The following DCK variants were observed in gnomAD, a reference collection of about 807,000 sequenced individuals.
DCK encodes deoxyadenosine kinase.
DCK carries 23 observed loss-of-function variants against 38.3 expected under a neutral mutation model. The observed-to-expected ratio is 0.60, with a 90% CI of 0.43 to 0.85. The LOEUF is 0.85. DCK is among the 40% of genes least tolerant of loss of function. The probability of loss-of-function intolerance (pLI) is 0.00; values close to 1 mark genes in which losing one functional copy is unlikely to be tolerated. For missense variants in DCK, 259 were observed against 304.4 expected (o/e 0.85, Z 1.11); for synonymous variants, 108 against 100.6 (o/e 1.07, Z -0.44).
chr4:71,009,021 G>A (rs1213739776), intron 2 of DCK, among the ~76,000 whole-genome samples: 3 of 152,182 alleles, frequency 2.0e-5, no homozygotes, highest in Non-Finnish European at 4.4e-5. Context: ...AGATATACAG[G>A]AAGCTTGAAG....
At chr4:71,014,869 G>C (rs946470348) in intron 2 of DCK, among the ~76,000 whole-genome samples, 2 of 152,170 alleles carry the variant, frequency 1.3e-5, no homozygotes, top group African/African-American at 4.8e-5. Flanking sequence ...AACTAGAGAA[G>C]CAAGAGTAAA....
At chr4:70,999,406 T>C (rs1739732704) in intron 2 of DCK, among the ~76,000 whole-genome samples, 1 of 152,262 alleles carries the variant, frequency 6.6e-6, no homozygotes, top group African/African-American at 2.4e-5. Flanking sequence ...CACATTTTGT[T>C]TATCCAGTCT....
intron 2 of DCK, among the ~76,000 whole-genome samples, chr4:71,009,762 G>A (rs1740038664): frequency 1.3e-5 from 2 of 152,132 alleles, no homozygotes; most frequent in African/African-American, 4.8e-5. Flanking sequence ...CTGTACTTCT[G>A]TACAGAGGGG....
chr4:71,001,770 G>A lies in DCK; in HGVS notation c.207+3588G>A, dbSNP rs570025669. Reference sequence around the variant, plus strand: ...CTTCCAGATTTTCTAGTTTATTTGCGTGGAGGTGTTTATAGTGTTCTCTGA... The same window carrying A: ...CTTCCAGATTTTCTAGTTTATTTGCATGGAGGTGTTTATAGTGTTCTCTGA... On this transcript the variant is annotated intron_variant, in intron 2 of 6. Transcript: ENST00000286648. Among the ~76,000 whole-genome samples, 16 of 152,184 alleles carry A rather than the reference G, an allele frequency of 1.1e-4. No individual in the cohort carries two copies. In the South Asian group the frequency reaches 2.7e-3, roughly 26 times the overall value.
At chr4:71,007,806 C>G (rs1399228094) in intron 2 of DCK, among the ~76,000 whole-genome samples, 1 of 152,200 alleles carries the variant, frequency 6.6e-6, no homozygotes, top group African/African-American at 2.4e-5. Context: ...GCCTCAACCT[C>G]CCTTGGCTCA....
At chr4:70,998,730 C>G (rs1165062263) in intron 2 of DCK, among the ~76,000 whole-genome samples, 1 of 151,972 alleles carries the variant, frequency 6.6e-6, no homozygotes, top group African/African-American at 2.4e-5. Flanking sequence ...TCAAGACCAG[C>G]CTCGTTAACA....
chr4:71,027,159 A>G (rs1465897952), intron 6 of DCK, among the ~76,000 whole-genome samples: 1 of 152,034 alleles, frequency 6.6e-6, no homozygotes, highest in Non-Finnish European at 1.5e-5. Context: ...TACTTTAATA[A>G]TAAACTGCTT....
intron 2 of DCK, among the ~76,000 whole-genome samples, chr4:71,007,398 C>T (rs1043406954): frequency 4.6e-5 from 7 of 152,128 alleles, no homozygotes; most frequent in Non-Finnish European, 1.0e-4. Context: ...TCAAGAAATA[C>T]GACATCATCA....
In DCK at chr4:70,993,771, C is replaced by G; in HGVS notation, c.-65C>G. On this transcript the variant is annotated 5_prime_UTR_variant, in exon 1 of 7. Coordinates refer to ENST00000286648, the MANE Select transcript of DCK (RefSeq NM_000788.3). ...TAGCGGCGCCGCGAGCTCCAGTGCG[C>G]GCACCCGTGGCCGCCTCCCAGCCCT... is the stretch of plus-strand genomic sequence containing the variant. 8.6e-7 allele frequency: 1 copy of G among 1,166,880 alleles called. No individual in the cohort carries two copies. Among genetic ancestry groups the G allele is most frequent in the South Asian group, 1.3e-5 (1 of 75,884 alleles). The allele number at this position is 1,166,880 out of a possible 1,614,324, so 72.3% of individuals were successfully genotyped here.
chr4:70,996,957 T>C (rs3775289), intron 1 of DCK, among the ~76,000 whole-genome samples: 123,080 of 152,182 alleles, frequency 0.81, 54,348 homozygotes, highest in Non-Finnish European at 0.97. Flanking sequence ...AATTTATTAA[T>C]TAGCTTATTT....
rs946872002 is a variant in DCK at position 70,994,969 on chromosome 4, T to A, written c.91+1043T>A. Among the ~76,000 whole-genome samples, 13 of 152,298 alleles carry A rather than the reference T, an allele frequency of 8.5e-5. 1 individual carries two copies. The highest frequency in any genetic ancestry group is 7.2e-4 in the Admixed American group (11 of 15,298). On this transcript the variant is annotated intron_variant, in intron 1 of 6. Transcript: ENST00000286648. Reference sequence around the variant, plus strand: ...AGATTTAAAAAAAAATTTTTTTAGCTCCAGGTTGGGTGCTGGTCATTCATG... The same window carrying A: ...AGATTTAAAAAAAAATTTTTTTAGCACCAGGTTGGGTGCTGGTCATTCATG...
Position 71,029,446 on chromosome 4 carries a change from A to G in DCK, c.*68A>G. 2.6e-6 allele frequency: 3 copies of G among 1,143,800 alleles called. No homozygotes were observed. Among genetic ancestry groups the G allele is most frequent in the Non-Finnish European group, 3.9e-6 (3 of 768,148 alleles). 70.9% of individuals were successfully genotyped at this position (1,143,800 alleles called of 1,614,324 possible). ...CAGCTTTGTGTATCTTCGTAACTTCATATTAATATAAGTTTCTTTAGAAAA... is the reference window on the plus strand; with the variant it reads ...CAGCTTTGTGTATCTTCGTAACTTCGTATTAATATAAGTTTCTTTAGAAAA... On this transcript the variant is annotated 3_prime_UTR_variant, in exon 7 of 7. Coordinates refer to ENST00000286648, the MANE Select transcript of DCK (RefSeq NM_000788.3).
chr4:71,007,865 C>CA (rs1739987336), intron 2 of DCK, among the ~76,000 whole-genome samples: 2 of 152,166 alleles, frequency 1.3e-5, no homozygotes, highest in Non-Finnish European at 2.9e-5. Context: ...CATAGGCCAC[C>CA]ACGCCTGTGT....
intron 2 of DCK, among the ~76,000 whole-genome samples, chr4:71,018,126 CTT>C (rs35755135): frequency 1.6e-5 from 2 of 126,806 alleles, no homozygotes. Flanking sequence ...TAGATTATTT[CTT>C]TTTTTTTTTT....
At chr4:71,020,833 G>T (rs1358646993) in intron 2 of DCK, among the ~76,000 whole-genome samples, 3 of 152,070 alleles carry the variant, frequency 2.0e-5, no homozygotes, top group Non-Finnish European at 4.4e-5. Context: ...CCAGTGGTCT[G>T]TAGTAGTTTC....
intron 5 of DCK, 147 bp from the exon 6 acceptor site, chr4:71,026,518 G>A: frequency 1.6e-6 from 1 of 609,940 alleles, no homozygotes; most frequent in Non-Finnish European, 2.9e-6. Context: ...GAAAGAAGGG[G>A]CTGCCAGATG....
At position 70,998,206 on chromosome 4, in the gene DCK, A is replaced by G. The variant is rs369907438; in HGVS notation, c.207+24A>G. 1.7e-5 allele frequency: 20 copies of G among 1,196,188 alleles called. No homozygotes were observed. In the South Asian group the frequency reaches 2.5e-4, roughly 15 times the overall value. The allele number at this position is 1,196,188 out of a possible 1,614,324, so 74.1% of individuals were successfully genotyped here. On this transcript the variant is annotated intron_variant, in intron 2 of 6. Coordinates refer to ENST00000286648, the MANE Select transcript of DCK (RefSeq NM_000788.3). The stretch of plus-strand genomic sequence containing the variant: ...AGGTATGAAAATAAAATTTAAGTAG[A>G]TAAAAGCCTCTTGGTTTAGAGGAGC...
chr4:71,006,660 T>C (rs990010052), intron 2 of DCK, among the ~76,000 whole-genome samples: 1 of 152,042 alleles, frequency 6.6e-6, no homozygotes, highest in Non-Finnish European at 1.5e-5. Flanking sequence ...ATTTAAAAAT[T>C]AGCTAGGTGT....
chr4:71,003,097 G>C (rs995237359), intron 2 of DCK, among the ~76,000 whole-genome samples: 1 of 152,112 alleles, frequency 6.6e-6, no homozygotes, highest in Non-Finnish European at 1.5e-5. Context: ...GCTGGTACCG[G>C]TTTTTCCTTT....
Sources: gnomAD v4.1 joint callset for allele counts (sites outside exome capture counted in the v4.1 genomes callset) on GRCh38, gnomAD v4.1.1 for gene constraint, MANE v1.5 for transcripts, NCBI Gene and HGNC (gene_info 2026-07-23, HGNC 2026-07-21) for gene names.